Variants in SEZ6 observed in about 807,000 individuals in gnomAD.
SEZ6 encodes the protein seizure related 6 homolog.
A neutral mutation model predicts 101.0 loss-of-function variants in SEZ6; 53 were observed. The observed-to-expected ratio is 0.52, with a 90% confidence interval of 0.42 to 0.66. The LOEUF (loss-of-function observed/expected upper bound fraction) is 0.66. SEZ6 is among the 30% of genes least tolerant of loss of function. The pLI is 0.00. For synonymous variants in SEZ6, 488 were observed against 512.2 expected (o/e 0.95, Z 0.64); for missense variants, 1,102 against 1,289.4 (o/e 0.85, Z 2.23).
intron 1 of SEZ6, among the ~76,000 whole-genome samples, chr17:28,996,603 G>T (rs767692121): frequency 6.6e-6 from 1 of 152,142 alleles, no homozygotes; most frequent in Non-Finnish European, 1.5e-5. Flanking sequence ...CTGGGCTGGG[G>T]CCTGGTGTAC....
intron 1 of SEZ6, among the ~76,000 whole-genome samples, chr17:28,988,226 G>T (rs1220317036): frequency 2.0e-5 from 3 of 152,146 alleles, no homozygotes; most frequent in Non-Finnish European, 2.9e-5. Flanking sequence ...TCAGTTCCTA[G>T]CCTCCTCTGG....
At chr17:28,992,798 C>A (rs993713410) in intron 1 of SEZ6, among the ~76,000 whole-genome samples, 1 of 152,244 alleles carries the variant, frequency 6.6e-6, no homozygotes, top group Non-Finnish European at 1.5e-5. Context: ...CTAACTGCCA[C>A]GTTCTCTGCT....
intron 1 of SEZ6, among the ~76,000 whole-genome samples, chr17:28,997,871 C>T (rs568566354): frequency 4.4e-4 from 67 of 152,292 alleles, no homozygotes; most frequent in Middle Eastern, 3.4e-3. Flanking sequence ...ACTCCCTGAC[C>T]AGCCTTCTTC....
intron 1 of SEZ6, among the ~76,000 whole-genome samples, chr17:28,998,510 C>T (rs1315649611): frequency 6.6e-6 from 1 of 152,026 alleles, no homozygotes; most frequent in African/African-American, 2.4e-5. Context: ...ATCCAAGCAG[C>T]GGGTCTCCCC....
At chr17:28,976,294 CA>C (rs1158355059) in intron 3 of SEZ6, among the ~76,000 whole-genome samples, 4 of 151,994 alleles carry the variant, frequency 2.6e-5, no homozygotes, top group Non-Finnish European at 5.9e-5. Flanking sequence ...GCTGGTCCTC[CA>C]AAAAAAGGGA....
chr17:28,982,805 T>C (rs2041329325), intron 1 of SEZ6, among the ~76,000 whole-genome samples: 1 of 152,164 alleles, frequency 6.6e-6, no homozygotes, highest in Non-Finnish European at 1.5e-5. Flanking sequence ...TTCTAGTAGC[T>C]GGGACTACAG....
At chr17:28,964,271 A>G in intron 4 of SEZ6, 124 bp from the exon 5 acceptor site, 3 of 1,011,192 alleles carry the variant, frequency 3.0e-6, no homozygotes, top group Non-Finnish European at 4.3e-6. Flanking sequence ...AGGAAGCACT[A>G]GGAGTTCCAA....
intron 4 of SEZ6, among the ~76,000 whole-genome samples, chr17:28,966,936 G>A (rs2041079352): frequency 6.6e-6 from 1 of 152,180 alleles, no homozygotes; most frequent in South Asian, 2.1e-4. Context: ...GTTGTGCTTG[G>A]CAGGCAGTAC....
In SEZ6 at chr17:28,981,387, G is replaced by A; in HGVS notation, c.708C>T (p.Thr236=). 1.3e-6 allele frequency: 2 copies of A among 1,551,144 alleles called. No homozygotes were observed. The highest frequency in any genetic ancestry group is 2.4e-5 in the South Asian group (2 of 84,020). The part of the protein sequence containing the change: ...TTTTIITTTI[T]TVQTPGPCSW... ...GTAGCTGACCTGGTGTCTGGACTGT[G>A]GTGATGGTGGTGGTGATGATGGTGG... Residue 236 remains threonine, a synonymous_variant, in exon 2 of 17, where the codon ACC becomes ACT. Coordinates refer to ENST00000317338, the MANE Select transcript of SEZ6 (RefSeq NM_178860.5).
intron 3 of SEZ6, among the ~76,000 whole-genome samples, chr17:28,977,090 A>G (rs764096722): frequency 3.5e-4 from 52 of 149,038 alleles, no homozygotes; most frequent in Middle Eastern, 3.4e-3. Flanking sequence ...CAACAAAACT[A>G]ATTAGTAATT....
chr17:29,005,959 C>T lies in SEZ6; in HGVS notation c.-90G>A. ...TTGGGCGCGGGGGCAGAGCCGGGTC[C>T]GGCCGGGTAGAGGGAGCGGGGCCGC... On this transcript the variant is annotated 5_prime_UTR_variant, in exon 1 of 17. Transcript: ENST00000317338. The surrounding 1 kb of genome is among the most constrained non-coding windows in gnomAD (Gnocchi z 4.8). 6.7e-6 allele frequency: 8 copies of T among 1,186,620 alleles called. No homozygotes were observed. The highest frequency in any genetic ancestry group is 7.5e-6 in the Non-Finnish European group (7 of 929,956). The allele number at this position is 1,186,620 out of a possible 1,614,324, so 73.5% of individuals were successfully genotyped here. A position where few individuals can be genotyped will look rare whatever the true frequency, so the allele number is the denominator to read the frequency against.
intron 4 of SEZ6, among the ~76,000 whole-genome samples, chr17:28,966,209 G>A (rs552821580): frequency 2.7e-5 from 4 of 147,642 alleles, no homozygotes; most frequent in South Asian, 2.2e-4. Flanking sequence ...AGCTGGGCAC[G>A]GTGGCTCACA....
chr17:28,969,593 A>AAT (rs1598189020), intron 4 of SEZ6, among the ~76,000 whole-genome samples, 164 bp downstream of exon 4: 1 of 152,138 alleles, frequency 6.6e-6, no homozygotes, highest in East Asian at 1.9e-4. Context: ...CAGATACGCG[A>AAT]TACTTACCTC....
chr17:28,975,722 G>A (rs896101807), intron 3 of SEZ6, among the ~76,000 whole-genome samples: 3 of 152,192 alleles, frequency 2.0e-5, no homozygotes, highest in Admixed American at 1.3e-4. Flanking sequence ...GTCCTGACAC[G>A]GCTTAGAAGG....
intron 1 of SEZ6, among the ~76,000 whole-genome samples, chr17:28,997,717 C>T (rs1598213961): frequency 6.6e-6 from 1 of 152,140 alleles, no homozygotes. Flanking sequence ...CCCCCCACCC[C>T]GATTTCCTTT....
rs2152695017 is a variant in SEZ6 at position 29,005,775 on chromosome 17, T to C, written c.55+40A>G. On this transcript the variant is annotated intron_variant, in intron 1 of 16. Coordinates refer to ENST00000317338, the MANE Select transcript of SEZ6 (RefSeq NM_178860.5). The surrounding 1 kb of genome is among the most constrained non-coding windows in gnomAD (Gnocchi z 4.8). ...TCCCTTCCCACCCCTGGGGCCCCGC[T>C]CCCGCCCCCGTCCTGCCGCCGGATG... The C allele has an allele frequency of 1.4e-6, 2 of 1,472,838 alleles. No homozygotes were observed. The highest frequency in any genetic ancestry group is 1.8e-6 in the Non-Finnish European group (2 of 1,111,464). The allele number at this position is 1,472,838 out of a possible 1,614,324, so 91.2% of individuals were successfully genotyped here. A position where few individuals can be genotyped will look rare whatever the true frequency, so the allele number is the denominator to read the frequency against.
intron 1 of SEZ6, among the ~76,000 whole-genome samples, chr17:29,000,579 G>A (rs2041602804): frequency 6.6e-6 from 1 of 152,166 alleles, no homozygotes; most frequent in Non-Finnish European, 1.5e-5. Context: ...CTGAATTATT[G>A]TGGTTCTGGA....
At chr17:28,962,821 AC>A (rs1260865566) in intron 5 of SEZ6, among the ~76,000 whole-genome samples, 1 of 148,184 alleles carries the variant, frequency 6.7e-6, no homozygotes, top group African/African-American at 2.5e-5. Flanking sequence ...CTAAGCCCAT[AC>A]CCACTAAAAA....
At position 28,981,685 on chromosome 17, in the gene SEZ6, T is replaced by C. The variant is rs999402411; in HGVS notation, c.410A>G (p.Glu137Gly). The C allele has an allele frequency of 2.5e-6, 4 of 1,581,124 alleles. No individual in the cohort carries two copies. Among genetic ancestry groups the C allele is most frequent in the African/African-American group, 1.3e-5 (1 of 74,268 alleles). Residue 137 changes from glutamate to glycine, a missense_variant, in exon 2 of 17, where the codon GAG becomes GGG. By Grantham distance (98) the Glu-to-Gly change is moderately conservative. This residue lies in a region of SEZ6 where 406 missense variants were observed against 418.6 expected (regional missense o/e 0.97). Coordinates refer to ENST00000317338, the MANE Select transcript of SEZ6 (RefSeq NM_178860.5). ...CTCTGACTCCGGACTCCAGGGTCCC[T>C]CCTTGGACTGGGGCTGAGTGGGTAC... is the stretch of plus-strand genomic sequence containing the variant. Reference protein sequence around the residue: ...AAVPTQPQSKEGPWSPESESP... With the variant: ...AAVPTQPQSKGGPWSPESESP...
Sources: gnomAD v4.1 joint callset for allele counts (sites outside exome capture counted in the v4.1 genomes callset) on GRCh38, gnomAD v4.1.1 for gene constraint, gnomAD v4.1.1 regional missense constraint, Gnocchi (gnomAD v3.1) non-coding constraint, MANE v1.5 for transcripts, NCBI Gene and HGNC (gene_info 2026-07-23, HGNC 2026-07-21) for gene names.